The following RALGAPB variants were observed in gnomAD, a reference collection of about 807,000 sequenced individuals.
The protein encoded by RALGAPB is Ral GTPase activating protein non-catalytic subunit beta.
Under a neutral mutation model 161.1 loss-of-function variants are expected in RALGAPB, and 25 were observed. The ratio of observed to expected loss-of-function variants is 0.16; its 90% confidence interval spans 0.11 to 0.22. RALGAPB has a LOEUF of 0.22. RALGAPB is among the 10% of genes least tolerant of loss of function. RALGAPB has a pLI of 1.00. For synonymous variants in RALGAPB, 629 were observed against 626.1 expected, an observed-to-expected ratio of 1.00 and a Z score of -0.07; for missense variants, 1,391 against 1,815.2, an observed-to-expected ratio of 0.77 and a Z score of 4.25.
At chr20:38,508,202 A>G (rs1056172949) in intron 5 of RALGAPB, among the ~76,000 whole-genome samples, 2 of 151,928 alleles carry the variant, frequency 1.3e-5, no homozygotes, top group African/African-American at 4.8e-5. Context: ...ACATATAAAC[A>G]TATAAATGTC....
At chr20:38,542,268 G>A (rs1250799884) in intron 18 of RALGAPB, among the ~76,000 whole-genome samples, 4 of 152,146 alleles carry the variant, frequency 2.6e-5, no homozygotes, top group African/African-American at 4.8e-5. Flanking sequence ...TTGAAAATTC[G>A]TGTGTAAGTC....
chr20:38,555,260 A>G (rs1012847063), intron 22 of RALGAPB, among the ~76,000 whole-genome samples: 1 of 152,234 alleles, frequency 6.6e-6, no homozygotes, highest in African/African-American at 2.4e-5. Flanking sequence ...TTATTGCATA[A>G]CTTGTCCCTT....
intron 7 of RALGAPB, 137 bp from the exon 8 acceptor site, chr20:38,517,369 A>T: frequency 1.4e-6 from 1 of 724,490 alleles, no homozygotes. Flanking sequence ...AATAGTGAGT[A>T]GATACTGAGA....
chr20:38,533,127 C>T (rs2086706023), intron 15 of RALGAPB, among the ~76,000 whole-genome samples: 4 of 152,014 alleles, frequency 2.6e-5, no homozygotes, highest in African/African-American at 9.7e-5. Context: ...GAATTCTCTA[C>T]CATGTGTGGT....
At chr20:38,519,793 G>A (rs1184949684) in intron 9 of RALGAPB, among the ~76,000 whole-genome samples, 1 of 151,988 alleles carries the variant, frequency 6.6e-6, no homozygotes, top group African/African-American at 2.4e-5. Flanking sequence ...GGGAGGCATG[G>A]GTATATTAAC....
At chr20:38,494,187 A>G (rs2085350484) in intron 3 of RALGAPB, among the ~76,000 whole-genome samples, 1 of 152,144 alleles carries the variant, frequency 6.6e-6, no homozygotes, top group African/African-American at 2.4e-5. Flanking sequence ...TCCTTTCCCC[A>G]TCTAACCAAC....
chr20:38,478,293 G>C (rs2084864916), intron 1 of RALGAPB, among the ~76,000 whole-genome samples: 2 of 152,206 alleles, frequency 1.3e-5, no homozygotes, highest in Admixed American at 1.3e-4. Flanking sequence ...TCCTTACCTA[G>C]TGGTTAGTGA....
Position 38,488,395 on chromosome 20 carries a change from C to G in RALGAPB, c.-30-8C>G. 1 of 1,543,752 alleles carries G rather than the reference C, an allele frequency of 6.5e-7. No homozygotes were observed. The highest frequency in any genetic ancestry group is 1.8e-5 in the Admixed American group (1 of 54,926). On this transcript the variant is annotated splice_polypyrimidine_tract_variant and splice_region_variant and intron_variant, in intron 1 of 29. Coordinates refer to ENST00000262879, the MANE Select transcript of RALGAPB (RefSeq NM_020336.4). Reference sequence around the variant, plus strand: ...AATTTGACATGCATTTCTGTTTTGTCTTTTCAGGTGCCATTTGGATTGTAC... The same window carrying G: ...AATTTGACATGCATTTCTGTTTTGTGTTTTCAGGTGCCATTTGGATTGTAC...
At chr20:38,572,940 CTT>C (rs1184132679) in intron 28 of RALGAPB, among the ~76,000 whole-genome samples, 2 of 152,126 alleles carry the variant, frequency 1.3e-5, no homozygotes, top group African/African-American at 2.4e-5. Context: ...CCTTCAGTCT[CTT>C]TTAATCTGGA....
At chr20:38,543,774 A>G (rs1381063413) in intron 18 of RALGAPB, among the ~76,000 whole-genome samples, 1 of 152,150 alleles carries the variant, frequency 6.6e-6, no homozygotes, top group Non-Finnish European at 1.5e-5. Context: ...CAGTGCTTAT[A>G]GCAAATCTAT....
intron 22 of RALGAPB, 101 bp downstream of exon 22, chr20:38,554,177 A>G: frequency 9.1e-7 from 1 of 1,102,956 alleles, no homozygotes; most frequent in Non-Finnish European, 1.3e-6. Flanking sequence ...ATTAAAAAAA[A>G]AAAAAACTGG....
rs1186020126 is a variant in RALGAPB, at chr20:38,531,210, C to T, written c.2094C>T (p.Ala698=). 1 of 1,609,578 alleles carries T rather than the reference C, an allele frequency of 6.2e-7. No homozygotes were observed. The highest frequency in any genetic ancestry group is 1.7e-5 in the Admixed American group (1 of 59,960). Reference sequence around the variant, plus strand: ...TTCAAGATTCAGCACTTTTGGAAGCCATTGGTTGCCAGATGGAGATGGTAA... The same window carrying T: ...TTCAAGATTCAGCACTTTTGGAAGCTATTGGTTGCCAGATGGAGATGGTAA... The part of the protein sequence containing the change: ...NIVQDSALLE[A]IGCQMEMGGG... Residue 698 remains alanine (A), a synonymous_variant, in exon 14 of 30, where the codon GCC becomes GCT. Coordinates refer to ENST00000262879, the MANE Select transcript of RALGAPB (RefSeq NM_020336.4).
intron 18 of RALGAPB, among the ~76,000 whole-genome samples, chr20:38,542,802 G>T (rs949543270): frequency 1.4e-5 from 2 of 147,888 alleles, no homozygotes; most frequent in Admixed American, 6.7e-5. Context: ...TTGAACCCAG[G>T]ACACGGAGGT....
rs2088416779 is a variant in RALGAPB, at chr20:38,575,871, A to T, written c.*904A>T. The T allele has an allele frequency of 2.6e-5, 4 of 152,606 alleles. No homozygotes were observed. The highest frequency in any genetic ancestry group is 4.8e-5 in the African/African-American group (2 of 41,458). 9.5% of individuals were successfully genotyped at this position (152,606 alleles called of 1,614,324 possible). ...GGTTTCATCCATTGTCTCTTATTTCAGGACCAAGCAGCAAACTGCAGTAGT... is the reference window on the plus strand; with the variant it reads ...GGTTTCATCCATTGTCTCTTATTTCTGGACCAAGCAGCAAACTGCAGTAGT... On this transcript the variant is annotated 3_prime_UTR_variant, in exon 30 of 30. Transcript: ENST00000262879.
intron 10 of RALGAPB, among the ~76,000 whole-genome samples, chr20:38,523,524 T>C (rs916060929): frequency 1.3e-5 from 2 of 152,324 alleles, no homozygotes; most frequent in African/African-American, 2.4e-5. Context: ...TTTGAATCGA[T>C]TGAATTTGAA....
chr20:38,538,492 G>A (rs2086875441), intron 16 of RALGAPB: 2 of 165,604 alleles, frequency 1.2e-5, no homozygotes, highest in South Asian at 1.6e-4. Context: ...AGCTGGATCT[G>A]GAGTCTGGAT....
At position 38,575,843 on chromosome 20, in the gene RALGAPB, T is replaced by C. The variant is rs2088415824; in HGVS notation, c.*876T>C. The C allele has an allele frequency of 2.6e-5, 4 of 152,734 alleles. No individual in the cohort carries two copies. The highest frequency in any genetic ancestry group is 6.8e-3 in the Middle Eastern group (2 of 294). 9.5% of individuals were successfully genotyped at this position (152,734 alleles called of 1,614,324 possible). Reference sequence around the variant, plus strand: ...AATTCACAATAAGGGTTGAAAATTATTTGGTTTCATCCATTGTCTCTTATT... The same window carrying C: ...AATTCACAATAAGGGTTGAAAATTACTTGGTTTCATCCATTGTCTCTTATT... On this transcript the variant is annotated 3_prime_UTR_variant, in exon 30 of 30. Coordinates refer to ENST00000262879, the MANE Select transcript of RALGAPB (RefSeq NM_020336.4).
chr20:38,561,405 A>G (rs1047001700), intron 23 of RALGAPB, among the ~76,000 whole-genome samples: 1 of 152,200 alleles, frequency 6.6e-6, no homozygotes, highest in Non-Finnish European at 1.5e-5. Context: ...GATGTAATGA[A>G]TGTAACTTCC....
chr20:38,476,830 AATTG>A (rs995880719), intron 1 of RALGAPB, among the ~76,000 whole-genome samples: 13 of 152,316 alleles, frequency 8.5e-5, no homozygotes, highest in Non-Finnish European at 1.6e-4. Flanking sequence ...TATTTCATGT[AATTG>A]ATTGAATATT....
Sources: allele counts gnomAD v4.1 joint callset (sites outside exome capture counted in the v4.1 genomes callset), GRCh38; gene constraint gnomAD v4.1.1; transcripts MANE v1.5; gene names NCBI Gene and HGNC (gene_info 2026-07-23, HGNC 2026-07-21).